The following TEX11 variants were observed in gnomAD, a reference collection of about 807,000 sequenced individuals.
The protein encoded by TEX11 is testis expressed 11, also known as testis-expressed protein 11.
A neutral mutation model predicts 84.4 loss-of-function variants in TEX11; 7 were observed. The ratio of observed to expected loss-of-function variants is 0.08; its 90% CI spans 0.05 to 0.16. The LOEUF (loss-of-function observed/expected upper bound fraction) is 0.16, where lower values mean the gene tolerates loss of function less well. Among genes scored for constraint, TEX11 ranks in the 10% least tolerant of loss-of-function variants. The pLI is 1.00. For missense variants in TEX11, 551 were observed against 660.5 expected (o/e 0.83, Z 1.82); for synonymous variants, 264 against 222.8 (o/e 1.18, Z -1.64).
At chrX:70,518,224 A>G in the TEX11 span, among the ~76,000 whole-genome samples, 3 of 111,274 alleles carry the variant, frequency 2.7e-5, no homozygotes, top group Non-Finnish European at 5.7e-5. Flanking sequence ...TAGGGTGTCA[A>G]TTTTAGATCT....
rs2088997012 is a variant in TEX11 at position 70,595,699 on chromosome X, A to G, written c.2068-3876T>C. Among the ~76,000 whole-genome samples the G allele has an allele frequency of 1.8e-5, 2 of 111,893 alleles. 1 individual carries two copies. The highest frequency in any genetic ancestry group is 7.4e-4 in the South Asian group (2 of 2,689). ...GAAAACATTCACTTAATGCAAAAGA[A>G]AAGAGTAAAGGAGAAAATCAGGAAT... On this transcript the variant is annotated intron_variant, in intron 24 of 29. Coordinates refer to ENST00000374333, the MANE Select transcript of TEX11 (RefSeq NM_031276.3).
chrX:70,725,846 G>A (rs760157146), intron 11 of TEX11, among the ~76,000 whole-genome samples: 1 of 111,898 alleles, frequency 8.9e-6, no homozygotes, highest in Non-Finnish European at 1.9e-5. Flanking sequence ...ACTTTCGCCT[G>A]ACAGGGTACA....
intron 9 of TEX11, among the ~76,000 whole-genome samples, chrX:70,756,201 AGGCAGCAGATAGCTTT>A (rs1463981649): frequency 8.9e-6 from 1 of 112,741 alleles, no homozygotes; most frequent in Non-Finnish European, 1.9e-5. Flanking sequence ...GCAGAACAAA[AGGCAGCAGATAGCTTT>A]GGCAGACCTA....
chrX:70,691,479 A>G (rs2090234152), intron 13 of TEX11, among the ~76,000 whole-genome samples: 1 of 111,727 alleles, frequency 9.0e-6, no homozygotes, highest in South Asian at 3.7e-4. Flanking sequence ...AATATTATTC[A>G]GCCTTCAAAT....
At chrX:70,735,056 G>A (rs762313418) in intron 11 of TEX11, among the ~76,000 whole-genome samples, 14 of 111,488 alleles carry the variant, frequency 1.3e-4, no homozygotes, top group Admixed American at 3.8e-4. Flanking sequence ...CAAAAAATAT[G>A]ATTTTTTTTT....
chrX:70,881,000 T>A (rs1430869058), intron 2 of TEX11, among the ~76,000 whole-genome samples: 3 of 52,090 alleles, frequency 5.8e-5, no homozygotes, highest in Admixed American at 3.2e-4. Flanking sequence ...TAGCAAGACA[T>A]CATCCAAAAA....
chrX:70,742,339 CTATATATAAATATAAATATTATATATT>C (rs2090738575), intron 10 of TEX11, among the ~76,000 whole-genome samples: 3 of 105,243 alleles, frequency 2.9e-5, no homozygotes, highest in Non-Finnish European at 3.9e-5. Flanking sequence ...GACAATGTCA[CTATATATAAATATAAATATTATATATT>C]TATATATAAA....
At chrX:70,567,624 C>G (rs1324973449) in intron 25 of TEX11, among the ~76,000 whole-genome samples, 1 of 111,249 alleles carries the variant, frequency 9.0e-6, no homozygotes, top group Non-Finnish European at 1.9e-5. Context: ...TCGTTGGTTT[C>G]AAAGAACATC....
intron 8 of TEX11, among the ~76,000 whole-genome samples, chrX:70,807,245 A>G (rs2091224554): frequency 1.0e-5 from 1 of 97,786 alleles, no homozygotes; most frequent in Non-Finnish European, 2.0e-5. Context: ...TTGGGAAATG[A>G]ATGATTTTTT....
At chrX:70,846,744 C>A (rs1261399567) in intron 7 of TEX11, among the ~76,000 whole-genome samples, 1 of 111,239 alleles carries the variant, frequency 9.0e-6, no homozygotes. Context: ...GCCAACATGG[C>A]GAAACCCTGT....
intron 2 of TEX11, among the ~76,000 whole-genome samples, chrX:70,883,420 CAAAT>C (rs1005564857): frequency 9.0e-6 from 1 of 111,285 alleles, no homozygotes; most frequent in African/African-American, 3.3e-5. Flanking sequence ...CCCATCTTTA[CAAAT>C]AAATAAATAA....
intron 24 of TEX11, among the ~76,000 whole-genome samples, chrX:70,603,624 T>A (rs936352295): frequency 9.0e-5 from 10 of 111,493 alleles, no homozygotes; most frequent in Non-Finnish European, 3.8e-5. Context: ...GGCATTACCA[T>A]TCAGGACATA....
chrX:70,553,476 C>T, intron 26 of TEX11, 62 bp from the exon 27 acceptor site: 2 of 755,826 alleles, frequency 2.6e-6, no homozygotes, highest in Admixed American at 6.8e-5. Context: ...AGTTTTCATC[C>T]CAGGCTACCA....
chrX:70,775,362 T>C (rs1341758280), intron 9 of TEX11, among the ~76,000 whole-genome samples: 1 of 111,363 alleles, frequency 9.0e-6, no homozygotes, highest in East Asian at 2.8e-4. Context: ...AAAAGGCTTC[T>C]ACACAGCAAA....
intron 9 of TEX11, among the ~76,000 whole-genome samples, chrX:70,785,954 C>A (rs776937405): frequency 3.6e-5 from 4 of 111,747 alleles, no homozygotes; most frequent in Admixed American, 1.9e-4. Context: ...TTTGACCCAG[C>A]GATCCCATTA....
At chrX:70,861,085 G>A (rs1474779098) in intron 4 of TEX11, 149 bp from the exon 5 acceptor site, 8 of 309,199 alleles carry the variant, frequency 2.6e-5, no homozygotes, top group African/African-American at 3.8e-5. Context: ...TTTTTGAGAC[G>A]GAGTCTCGCT....
chrX:70,819,367 G>A (rs990033116), intron 8 of TEX11, among the ~76,000 whole-genome samples: 1 of 111,644 alleles, frequency 9.0e-6, no homozygotes, highest in African/African-American at 3.3e-5. Flanking sequence ...TGCAGAAAAA[G>A]CATTTGACAA....
rs774379201 is a variant in TEX11 at position 70,565,834 on chromosome X, G to A, written c.2141-11034C>T. Reference sequence around the variant, plus strand: ...TTGTAGTATAGTTTGAAGTCAGGTAGCTTGATGCCTCCAACTTTGTTCTTT... The same window carrying A: ...TTGTAGTATAGTTTGAAGTCAGGTAACTTGATGCCTCCAACTTTGTTCTTT... On this transcript the variant is annotated intron_variant, in intron 25 of 29. Coordinates refer to ENST00000374333, the MANE Select transcript of TEX11 (RefSeq NM_031276.3). Among the ~76,000 whole-genome samples the A allele has an allele frequency of 2.8e-3, 310 of 111,717 alleles. 9 individuals are homozygous for A. Among genetic ancestry groups the A allele is most frequent in the Admixed American group, 0.026 (276 of 10,453 alleles).
intron 28 of TEX11, among the ~76,000 whole-genome samples, chrX:70,532,632 G>C (rs944509794): frequency 1.8e-5 from 2 of 112,464 alleles, no homozygotes; most frequent in African/African-American, 6.5e-5. Flanking sequence ...TACTCGGGAG[G>C]CTGAGGCAGG....
Sources: allele counts gnomAD v4.1 joint callset (sites outside exome capture counted in the v4.1 genomes callset), GRCh38; gene constraint gnomAD v4.1.1; transcripts MANE v1.5; gene names NCBI Gene and HGNC (gene_info 2026-07-23, HGNC 2026-07-21).